WDR27: variants seen among roughly 807,000 people sequenced by gnomAD.
WDR27 encodes WD repeat-containing protein 27.
A neutral mutation model predicts 114.4 loss-of-function variants in WDR27; 100 were observed. That is an observed-to-expected ratio of 0.87 (90% CI 0.74 to 1.03). The LOEUF is 1.03. Ranked by LOEUF, WDR27 falls within the 50% of genes least tolerant of loss-of-function variation. The probability of loss-of-function intolerance (pLI) is 0.00; values close to 1 mark genes in which losing one functional copy is unlikely to be tolerated. For synonymous variants in WDR27, 449 were observed against 423.1 expected, an observed-to-expected ratio of 1.06 and a Z score of -0.75; for missense variants, 1,129 against 1,092.9, an observed-to-expected ratio of 1.03 and a Z score of -0.47.
chr6:169,445,853 C>T, the WDR27 span, among the ~76,000 whole-genome samples: 5 of 152,228 alleles, frequency 3.3e-5, no homozygotes, highest in African/African-American at 7.2e-5. Flanking sequence ...TAGCCGGTGA[C>T]GCCTGGACCC....
intron 16 of WDR27, among the ~76,000 whole-genome samples, chr6:169,646,498 G>A (rs1038439922): frequency 6.6e-6 from 1 of 152,164 alleles, no homozygotes; most frequent in Non-Finnish European, 1.5e-5. Flanking sequence ...TGTAATCCCA[G>A]CACTTTGGGA....
At chr6:169,577,326 G>T (rs1478058226) in intron 24 of WDR27, among the ~76,000 whole-genome samples, 1 of 139,872 alleles carries the variant, frequency 7.1e-6, no homozygotes, top group Non-Finnish European at 1.6e-5. Context: ...TCCGCGCCGA[G>T]CCAGGAATGG....
chr6:169,517,109 T>TA (rs1562522477), intron 25 of WDR27, among the ~76,000 whole-genome samples: 2 of 152,222 alleles, frequency 1.3e-5, no homozygotes, highest in Middle Eastern at 3.4e-3. Flanking sequence ...CTTCATGGCT[T>TA]GATGCTGTCT....
chr6:169,509,055 A>G (rs978324940), intron 25 of WDR27, among the ~76,000 whole-genome samples: 1 of 152,190 alleles, frequency 6.6e-6, no homozygotes, highest in African/African-American at 2.4e-5. Context: ...TAAAATACCT[A>G]GGAATCCAAC....
At chr6:169,662,496 G>A (rs1458507662) in intron 8 of WDR27, 72 bp from the exon 9 acceptor site, 1 of 1,563,378 alleles carries the variant, frequency 6.4e-7, no homozygotes, top group African/African-American at 1.3e-5. Flanking sequence ...GCTGAGGACT[G>A]CCACACAGAG....
chr6:169,542,691 C>T (rs1474386395), intron 25 of WDR27, among the ~76,000 whole-genome samples: 1 of 151,964 alleles, frequency 6.6e-6, no homozygotes, highest in Non-Finnish European at 1.5e-5. Flanking sequence ...AAGGGGATGT[C>T]CCAGGTCTTA....
intron 8 of WDR27, 83 bp downstream of exon 8, chr6:169,664,083 G>T: frequency 7.8e-7 from 1 of 1,284,736 alleles, no homozygotes; most frequent in Non-Finnish European, 1.1e-6. Context: ...TCTCTCCCCT[G>T]TGTGACCTAG....
intron 25 of WDR27, among the ~76,000 whole-genome samples, chr6:169,551,346 C>T (rs1327975382): frequency 2.0e-5 from 3 of 152,126 alleles, no homozygotes; most frequent in South Asian, 2.1e-4. Context: ...ATCTGGGTTA[C>T]GTTTTTCACA....
the WDR27 span, among the ~76,000 whole-genome samples, chr6:169,437,659 TTAAC>T: frequency 2.6e-5 from 4 of 152,188 alleles, no homozygotes; most frequent in African/African-American, 9.6e-5. Context: ...ATATTGTTGC[TTAAC>T]TATAGTTCCT....
chr6:169,670,751 T>A (rs754676075), intron 3 of WDR27, 58 bp from the exon 4 acceptor site: 22 of 1,596,492 alleles, frequency 1.4e-5, no homozygotes, highest in Non-Finnish European at 1.9e-5. Flanking sequence ...ATTACATTAA[T>A]CTGAGAAAAG....
Position 169,578,436 on chromosome 6 carries a change from T to G in WDR27, c.2523+4400A>C, listed in dbSNP as rs184450302. Among the ~76,000 whole-genome samples the G allele has an allele frequency of 1.7e-3, 259 of 152,094 alleles. 2 individuals carry two copies. The highest frequency in any genetic ancestry group is 6.1e-3 in the African/African-American group (252 of 41,496). ...GAATGGCAAGTCTATCTAGATTGGG[T>G]TTTTTTTCCAATTTCAAAAAGAACT... is the stretch of plus-strand genomic sequence containing the variant. On this transcript the variant is annotated intron_variant, in intron 24 of 25. Transcript: ENST00000448612.
At chr6:169,681,883 T>C (rs1781609370) in intron 2 of WDR27, among the ~76,000 whole-genome samples, 1 of 152,142 alleles carries the variant, frequency 6.6e-6, no homozygotes, top group Non-Finnish European at 1.5e-5. Flanking sequence ...CCATCTGTGC[T>C]GAGACCTGCT....
chr6:169,664,431 C>G, intron 7 of WDR27, 145 bp from the exon 8 acceptor site: 1 of 1,514,516 alleles, frequency 6.6e-7, no homozygotes, highest in Non-Finnish European at 8.8e-7. Context: ...ACAGCTGTCT[C>G]CTGCCTTCAA....
chr6:169,621,748 A>G (rs946703591), intron 21 of WDR27, among the ~76,000 whole-genome samples: 2 of 152,000 alleles, frequency 1.3e-5, no homozygotes, highest in African/African-American at 4.8e-5. Context: ...ATACACACAC[A>G]CACGCACACA....
At chr6:169,641,518 T>G (rs1356718643) in intron 17 of WDR27, among the ~76,000 whole-genome samples, 1 of 152,048 alleles carries the variant, frequency 6.6e-6, no homozygotes, top group African/African-American at 2.4e-5. Context: ...CCTACCTAGG[T>G]CAGGGTTTTA....
the WDR27 span, among the ~76,000 whole-genome samples, chr6:169,448,380 G>C: frequency 1.4e-5 from 2 of 141,020 alleles, no homozygotes; most frequent in East Asian, 4.2e-4. Flanking sequence ...CTCTCCCTCT[G>C]TCTCTGTCTC....
At chr6:169,517,149 C>A (rs796243379) in intron 25 of WDR27, among the ~76,000 whole-genome samples, 14 of 152,140 alleles carry the variant, frequency 9.2e-5, no homozygotes, top group African/African-American at 3.4e-4. Flanking sequence ...CTCTTGAGAT[C>A]TGGTTAAGTG....
At chr6:169,501,764 T>C (rs1791277048) in intron 25 of WDR27, among the ~76,000 whole-genome samples, 1 of 152,224 alleles carries the variant, frequency 6.6e-6, no homozygotes, top group Admixed American at 6.5e-5. Context: ...AGTTTGCGGT[T>C]GTCTGCTCAG....
At chr6:169,564,144 A>G (rs1800084557) in intron 25 of WDR27, among the ~76,000 whole-genome samples, 1 of 152,190 alleles carries the variant, frequency 6.6e-6, no homozygotes, top group African/African-American at 2.4e-5. Flanking sequence ...GCAAACCACT[A>G]GTGTAAGTCC....
Sources: gnomAD v4.1 joint callset for allele counts (sites outside exome capture counted in the v4.1 genomes callset) on GRCh38, gnomAD v4.1.1 for gene constraint, MANE v1.5 for transcripts, NCBI Gene and HGNC (gene_info 2026-07-23, HGNC 2026-07-21) for gene names.